MYL3: variants seen among roughly 807,000 people sequenced by gnomAD.
MYL3 encodes the protein myosin light chain 3, also known as CMLC1.
Under a neutral mutation model 21.3 loss-of-function variants are expected in MYL3, and 11 were observed. The observed-to-expected ratio is 0.52, with a 90% CI of 0.32 to 0.85. The LOEUF is 0.85. MYL3 is among the 40% of genes least tolerant of loss of function. The pLI is 0.03. For synonymous variants in MYL3, 88 were observed against 91.6 expected (o/e 0.96, Z 0.22); for missense variants, 206 against 253.3 (o/e 0.81, Z 1.27).
upstream of MYL3, among the ~76,000 whole-genome samples, chr3:46,866,923 G>T (rs1409207246): frequency 6.6e-6 from 1 of 152,190 alleles, no homozygotes; most frequent in African/African-American, 2.4e-5. Context: ...CGATCAGCCA[G>T]CAGGGGGCGC....
chr3:46,861,113 T>G lies in MYL3; in HGVS notation c.130-126A>C. 8.8e-7 allele frequency: 1 copy of G among 1,133,402 alleles called. No homozygotes were observed. The highest frequency in any genetic ancestry group is 1.3e-6 in the Non-Finnish European group (1 of 757,594). The allele number at this position is 1,133,402 out of a possible 1,614,324, so 70.2% of individuals were successfully genotyped here. ...CCTGTCCCATTCCAGCATCCCAGCC[T>G]GCACCCCCAGGACCTCCTGCAGTCC... On this transcript the variant is annotated intron_variant, in intron 1 of 6. Coordinates refer to ENST00000292327, the MANE Select transcript of MYL3 (RefSeq NM_000258.3). The surrounding 1 kb of genome is among the most constrained non-coding windows in gnomAD (Gnocchi z 4.2).
intron 1 of MYL3, among the ~76,000 whole-genome samples, chr3:46,881,709 C>G (rs2030578955): frequency 6.8e-6 from 1 of 146,788 alleles, no homozygotes; most frequent in Non-Finnish European, 1.5e-5. Flanking sequence ...GGGCAGGGGA[C>G]GAGGCGAGGG....
upstream of MYL3, among the ~76,000 whole-genome samples, chr3:46,864,628 C>T (rs1042874195): frequency 2.0e-5 from 3 of 152,166 alleles, no homozygotes; most frequent in Admixed American, 6.5e-5. The surrounding 1 kb of genome is among the most constrained non-coding windows in gnomAD (Gnocchi z 4.7). Context: ...TGCCCTCTGC[C>T]GACCCTTTTG....
upstream of MYL3, chr3:46,863,529 G>A: frequency 1.1e-6 from 1 of 898,762 alleles, no homozygotes; most frequent in Non-Finnish European, 1.7e-6. Context: ...ATAGGGACAG[G>A]GCCATAAAAG....
upstream of MYL3, among the ~76,000 whole-genome samples, chr3:46,867,860 T>G (rs1024285655): frequency 6.6e-6 from 1 of 152,226 alleles, no homozygotes; most frequent in African/African-American, 2.4e-5. Context: ...GGCCCACTTG[T>G]GTGTCCACAT....
upstream of MYL3, among the ~76,000 whole-genome samples, chr3:46,863,915 G>A (rs1188837373): frequency 1.3e-5 from 2 of 152,096 alleles, no homozygotes; most frequent in Non-Finnish European, 2.9e-5. Flanking sequence ...CCGTGTCCAT[G>A]TGGGGGAAGG....
Position 46,874,680 on chromosome 3 carries a change from G to A in MYL3, c.-218+7394C>T, listed in dbSNP as rs1006488789. 3.3e-5 allele frequency among the ~76,000 whole-genome samples: 5 copies of A among 152,196 alleles called. No homozygotes were observed. The highest frequency in any genetic ancestry group is 2.1e-4 in the South Asian group (1 of 4,814). ...AGCGGGAGCCCATGCAGGGAGAGGC[G>A]GAAACACGTGTCAAACACGCCTGGG... is the stretch of plus-strand genomic sequence containing the variant. On this transcript the variant is annotated intron_variant, in intron 1 of 3. Transcript: ENST00000431168. This position sits in a 1 kb window ranked among gnomAD's most constrained non-coding sequence, Gnocchi z 4.1.
chr3:46,862,864 C>A (rs906127397), intron 1 of MYL3, among the ~76,000 whole-genome samples: 1 of 152,210 alleles, frequency 6.6e-6, no homozygotes, highest in African/African-American at 2.4e-5. Flanking sequence ...ACGCTGGGAG[C>A]GTGTATGGAC....
At chr3:46,870,318 C>T (rs1702096977) in intron 1 of MYL3, among the ~76,000 whole-genome samples, 1 of 152,060 alleles carries the variant, frequency 6.6e-6, no homozygotes, top group Admixed American at 6.6e-5. Flanking sequence ...GACAGAGGGA[C>T]AGGATGACAG....
At chr3:46,865,349 T>G (rs1421108672), upstream of MYL3, among the ~76,000 whole-genome samples, 1 of 151,780 alleles carries the variant, frequency 6.6e-6, no homozygotes, top group Admixed American at 6.5e-5. The surrounding 1 kb of genome is among the most constrained non-coding windows in gnomAD (Gnocchi z 4.3). Flanking sequence ...GGGGGGATGG[T>G]CAGTGGAGAC....
chr3:46,867,870 T>C (rs541779587), upstream of MYL3, among the ~76,000 whole-genome samples: 41 of 152,222 alleles, frequency 2.7e-4, no homozygotes, highest in Non-Finnish European at 5.0e-4. Flanking sequence ...TGTGTCCACA[T>C]AGATGTGAAC....
chr3:46,873,132 G>A (rs2030003365), intron 1 of MYL3, among the ~76,000 whole-genome samples: 1 of 152,222 alleles, frequency 6.6e-6, no homozygotes, highest in Admixed American at 6.5e-5. Flanking sequence ...GAGGTCTGAG[G>A]TCTCACTCTG....
chr3:46,858,335 G>C, intron 5 of MYL3, 49 bp downstream of exon 5: 1 of 1,614,042 alleles, frequency 6.2e-7, no homozygotes, highest in East Asian at 2.2e-5. Flanking sequence ...CTGGGAGCCT[G>C]GGTCCCAGCA....
rs760171444 is a variant in MYL3 at position 46,859,441 on chromosome 3, A to G, written c.481+34T>C. 18 of 1,613,462 alleles carry G rather than the reference A, an allele frequency of 1.1e-5. No individual in the cohort carries two copies. In the South Asian group the frequency reaches 1.8e-4, roughly 16 times the overall value. ...GTGGTTTCTCCCAGGATGTCCCTGG[A>G]AGGAGTTGGGGTAGGGGAGGAGGCT... On this transcript the variant is annotated intron_variant, in intron 4 of 6. Transcript: ENST00000292327. The surrounding 1 kb of genome is among the most constrained non-coding windows in gnomAD (Gnocchi z 4.1).
At position 46,861,650 on chromosome 3, in the gene MYL3, G is replaced by C. The variant is rs1001732859; in HGVS notation, c.130-663C>G. 1.3e-5 allele frequency among the ~76,000 whole-genome samples: 2 copies of C among 152,172 alleles called. No homozygotes were observed. Among genetic ancestry groups the C allele is most frequent in the African/African-American group, 4.8e-5 (2 of 41,432 alleles). Reference sequence around the variant, plus strand: ...CACACCCCAGGACAGCACAGGGCCAGGGCAGTGCTGCTGAGTGTTTGCTGA... The same window carrying C: ...CACACCCCAGGACAGCACAGGGCCACGGCAGTGCTGCTGAGTGTTTGCTGA... On this transcript the variant is annotated intron_variant, in intron 1 of 6. Coordinates refer to ENST00000292327, the MANE Select transcript of MYL3 (RefSeq NM_000258.3). The surrounding 1 kb of genome is among the most constrained non-coding windows in gnomAD (Gnocchi z 4.2).
chr3:46,864,022 G>C (rs1162300314), upstream of MYL3, among the ~76,000 whole-genome samples: 1 of 151,746 alleles, frequency 6.6e-6, no homozygotes, highest in Non-Finnish European at 1.5e-5. The surrounding 1 kb of genome is among the most constrained non-coding windows in gnomAD (Gnocchi z 4.7). Context: ...GTGGAGGGGG[G>C]TCTGTGTACA....
chr3:46,881,809 G>C (rs1376696011), intron 1 of MYL3, among the ~76,000 whole-genome samples: 1 of 152,132 alleles, frequency 6.6e-6, no homozygotes, highest in Non-Finnish European at 1.5e-5. Flanking sequence ...GACCCGGCCC[G>C]AACGGGAGCC....
intron 4 of MYL3, 47 bp from the exon 5 acceptor site, chr3:46,858,508 G>A: frequency 1.3e-6 from 2 of 1,586,576 alleles, no homozygotes; most frequent in African/African-American, 1.3e-5. Flanking sequence ...GCAGAGGCAT[G>A]ATGGGGTGGG....
chr3:46,873,390 G>T (rs760456823), intron 1 of MYL3, among the ~76,000 whole-genome samples: 7 of 152,228 alleles, frequency 4.6e-5, no homozygotes, highest in Non-Finnish European at 1.0e-4. Context: ...ACAGTAAGGT[G>T]CAGGCAGGGG....
Sources: allele counts gnomAD v4.1 joint callset (sites outside exome capture counted in the v4.1 genomes callset), GRCh38; gene constraint gnomAD v4.1.1; non-coding constraint Gnocchi (gnomAD v3.1); transcripts MANE v1.5; gene names NCBI Gene and HGNC (gene_info 2026-07-23, HGNC 2026-07-21).